The following DCC variants were observed in gnomAD, a reference collection of about 807,000 sequenced individuals.
DCC encodes the protein netrin receptor DCC.
DCC carries 58 observed loss-of-function variants against 172.5 expected under a neutral mutation model. The observed-to-expected ratio is 0.34, with a 90% CI of 0.27 to 0.42. The LOEUF (loss-of-function observed/expected upper bound fraction) is 0.42, where lower values mean the gene tolerates loss of function less well. DCC is among the 10% of genes least tolerant of loss of function. The pLI, the probability that DCC is intolerant of heterozygous loss-of-function variation, is 1.00. For missense variants in DCC, 1,740 were observed against 1,791.0 expected, an observed-to-expected ratio of 0.97 and a Z score of 0.51; for synonymous variants, 709 against 644.5, an observed-to-expected ratio of 1.10 and a Z score of -1.52.
intron 1 of DCC, among the ~76,000 whole-genome samples, chr18:52,596,851 C>T (rs895965751): frequency 6.6e-6 from 1 of 152,168 alleles, no homozygotes; most frequent in Non-Finnish European, 1.5e-5. Context: ...GGTCAGCAAT[C>T]TTGCCTGGCT....
intron 2 of DCC, among the ~76,000 whole-genome samples, chr18:52,879,906 A>C (rs751213087): frequency 6.6e-6 from 1 of 152,146 alleles, no homozygotes; most frequent in Non-Finnish European, 1.5e-5. Flanking sequence ...TTGTGGGTAC[A>C]TAGTAGGTGT....
chr18:53,432,783 A>G (rs1911705469), intron 21 of DCC, among the ~76,000 whole-genome samples: 1 of 152,014 alleles, frequency 6.6e-6, no homozygotes, highest in South Asian at 2.1e-4. Flanking sequence ...ACATAAAGGG[A>G]GACTTCCTGA....
chr18:53,066,609 T>C (rs900026203), intron 7 of DCC, among the ~76,000 whole-genome samples: 3 of 151,414 alleles, frequency 2.0e-5, no homozygotes, highest in Non-Finnish European at 2.9e-5. Context: ...GTTAGGTGTA[T>C]ATTTTAGTTA....
intron 1 of DCC, among the ~76,000 whole-genome samples, chr18:52,487,285 C>T (rs2030273108): frequency 6.6e-6 from 1 of 152,084 alleles, no homozygotes; most frequent in Non-Finnish European, 1.5e-5. Flanking sequence ...ACAGATGCAA[C>T]TAGAAGGGCT....
chr18:53,317,140 GT>G (rs34568556), intron 13 of DCC, among the ~76,000 whole-genome samples: 31,566 of 152,090 alleles, frequency 0.21, 4,876 homozygotes, highest in African/African-American at 0.43. Context: ...TTTATTGAAA[GT>G]TTTTAGCATG....
intron 1 of DCC, among the ~76,000 whole-genome samples, chr18:52,373,231 A>G (rs1025987407): frequency 6.6e-6 from 1 of 152,144 alleles, no homozygotes; most frequent in Non-Finnish European, 1.5e-5. Context: ...AAAAATGTGC[A>G]TCTTTCCCCC....
intron 15 of DCC, among the ~76,000 whole-genome samples, chr18:53,351,305 A>G (rs1458350844): frequency 1.5e-4 from 4 of 26,676 alleles, no homozygotes; most frequent in African/African-American, 2.6e-4. Context: ...ATATATATAT[A>G]TATATATATA....
intron 7 of DCC, among the ~76,000 whole-genome samples, chr18:53,146,955 CTT>C (rs2043924698): frequency 6.6e-6 from 1 of 151,956 alleles, no homozygotes; most frequent in African/African-American, 2.4e-5. Context: ...TTAAAAAAGA[CTT>C]TTAAAAAGAC....
At chr18:52,952,810 G>A (rs908887474) in intron 5 of DCC, among the ~76,000 whole-genome samples, 1 of 151,514 alleles carries the variant, frequency 6.6e-6, no homozygotes, top group African/African-American at 2.4e-5. Context: ...GACTATCCTC[G>A]GCAACATAGT....
At chr18:52,652,880 A>T (rs2035169609) in intron 1 of DCC, among the ~76,000 whole-genome samples, 1 of 152,062 alleles carries the variant, frequency 6.6e-6, no homozygotes, top group East Asian at 1.9e-4. Flanking sequence ...TGGAATACAC[A>T]AGTATCCAGA....
Position 53,233,952 on chromosome 18 carries a change from A to G in DCC, c.1911+18355A>G, listed in dbSNP as rs549190868. On this transcript the variant is annotated intron_variant, in intron 12 of 28. Transcript: ENST00000442544. Reference sequence around the variant, plus strand: ...AACATGGTGAAACCTTGTCACTACTAAAAATACAAAAATTAGGACCAGGCG... The same window carrying G: ...AACATGGTGAAACCTTGTCACTACTGAAAATACAAAAATTAGGACCAGGCG... 1.1e-3 allele frequency among the ~76,000 whole-genome samples: 166 copies of G among 152,054 alleles called. 1 individual carries two copies. The highest frequency in any genetic ancestry group is 3.4e-3 in the Middle Eastern group (1 of 294).
chr18:52,650,503 T>C (rs2035110243), intron 1 of DCC, among the ~76,000 whole-genome samples: 1 of 152,192 alleles, frequency 6.6e-6, no homozygotes, highest in African/African-American at 2.4e-5. Flanking sequence ...ATGCCGTTTT[T>C]TCTGCATCCT....
chr18:52,340,551 T>C lies in DCC; in HGVS notation c.-237T>C, dbSNP rs1198120292. The C allele has an allele frequency of 1.7e-6, 1 of 604,308 alleles. No individual in the cohort carries two copies. Among genetic ancestry groups the C allele is most frequent in the Non-Finnish European group, 3.0e-6 (1 of 337,078 alleles). 37.4% of individuals were successfully genotyped at this position (604,308 alleles called of 1,614,324 possible). On this transcript the variant is annotated 5_prime_UTR_variant, in exon 1 of 29. The change abolishes an upstream ATG in the 5' untranslated region. Coordinates refer to ENST00000442544, the MANE Select transcript of DCC (RefSeq NM_005215.4). ...GGGGCTCGGGATCTCTTGGACCGAA[T>C]GGAACTTTTTGCTGCCTGCTTTTGC...
chr18:52,455,283 A>T (rs1384462242), intron 1 of DCC, among the ~76,000 whole-genome samples: 3 of 152,102 alleles, frequency 2.0e-5, no homozygotes, highest in Non-Finnish European at 4.4e-5. Context: ...ATTTTCTCTT[A>T]TTTCAGCTGA....
chr18:52,904,141 T>G (rs1307007368), intron 2 of DCC, among the ~76,000 whole-genome samples: 3 of 152,194 alleles, frequency 2.0e-5, no homozygotes, highest in African/African-American at 7.2e-5. Context: ...AGATGAGTAA[T>G]TTTAGAATAT....
intron 2 of DCC, among the ~76,000 whole-genome samples, chr18:52,776,769 A>G (rs2037442689): frequency 6.6e-6 from 1 of 152,212 alleles, no homozygotes; most frequent in Non-Finnish European, 1.5e-5. Context: ...CTAAGTGTAA[A>G]ATCATAAAAC....
chr18:53,442,281 C>T (rs1407624971), intron 22 of DCC, among the ~76,000 whole-genome samples: 1 of 152,212 alleles, frequency 6.6e-6, no homozygotes, highest in Non-Finnish European at 1.5e-5. Context: ...ATTTTTCTAA[C>T]AGCTTGTGCT....
chr18:53,076,575 T>C (rs1253828857), intron 7 of DCC, among the ~76,000 whole-genome samples: 2 of 152,148 alleles, frequency 1.3e-5, no homozygotes, highest in African/African-American at 4.8e-5. Context: ...TCTTTTTCTG[T>C]AGAGTAAGTT....
intron 13 of DCC, among the ~76,000 whole-genome samples, chr18:53,313,261 T>C (rs2057304102): frequency 6.6e-6 from 1 of 152,130 alleles, no homozygotes; most frequent in Non-Finnish European, 1.5e-5. Flanking sequence ...TATTATTATT[T>C]TGAAGACAGA....
Sources: gnomAD v4.1 joint callset for allele counts (sites outside exome capture counted in the v4.1 genomes callset) on GRCh38, gnomAD v4.1.1 for gene constraint, MANE v1.5 for transcripts, NCBI Gene and HGNC (gene_info 2026-07-23, HGNC 2026-07-21) for gene names.